The following C4orf50 variants were observed in gnomAD, a reference collection of about 807,000 sequenced individuals.
C4orf50 encodes the protein chromosome 4 open reading frame 50.
A neutral mutation model predicts 77.2 loss-of-function variants in C4orf50; 80 were observed. That is an observed-to-expected ratio of 1.04 (90% CI 0.87 to 1.25). The LOEUF (loss-of-function observed/expected upper bound fraction) is 1.25, where lower values mean the gene tolerates loss of function less well. Among genes scored for constraint, C4orf50 ranks in the 50% most tolerant of loss-of-function variants. The pLI, the probability that C4orf50 is intolerant of heterozygous loss-of-function variation, is 0.00. For synonymous variants in C4orf50, 532 were observed against 465.3 expected (o/e 1.14, Z -1.84); for missense variants, 1,257 against 1,152.9 (o/e 1.09, Z -1.31).
chr4:5,989,686 C>T (rs1386365032), exon 28 of C4orf50: 3 of 1,536,142 alleles, frequency 2.0e-6, no homozygotes, highest in African/African-American at 1.4e-5. Flanking sequence ...CTGTGGATGA[C>T]CATGATCAGT....
intron 29 of C4orf50, among the ~76,000 whole-genome samples, chr4:5,976,585 T>C (rs1300875734): frequency 1.3e-5 from 2 of 152,032 alleles, no homozygotes; most frequent in Non-Finnish European, 2.9e-5. Flanking sequence ...AACATACAAG[T>C]TCCTGAGCCA....
chr4:5,907,579 C>T (rs114550779), intron 7 of C4orf50, among the ~76,000 whole-genome samples: 52 of 152,172 alleles, frequency 3.4e-4, no homozygotes, highest in African/African-American at 1.1e-3. Flanking sequence ...AGACTAGACA[C>T]AAATGAAGGC....
chr4:5,967,334 T>G, intron 32 of C4orf50, 80 bp downstream of exon 10: 2 of 1,124,520 alleles, frequency 1.8e-6, no homozygotes, highest in South Asian at 2.5e-5. Context: ...ATCTCCCCTC[T>G]GGCCCACCTC....
chr4:5,911,154 C>T (rs1716788581), intron 7 of C4orf50, among the ~76,000 whole-genome samples: 1 of 152,150 alleles, frequency 6.6e-6, no homozygotes, highest in Admixed American at 6.5e-5. Context: ...CATGATCCAC[C>T]TGCCTCGGCC....
chr4:5,930,907 C>A (rs1478366119), intron 7 of C4orf50, among the ~76,000 whole-genome samples: 3 of 152,098 alleles, frequency 2.0e-5, no homozygotes, highest in African/African-American at 7.2e-5. Context: ...TGCTGGGAAG[C>A]GGAGAGGCAA....
downstream of C4orf50, among the ~76,000 whole-genome samples, chr4:5,952,822 C>T (rs1718787173): frequency 6.6e-6 from 1 of 152,072 alleles, no homozygotes; most frequent in African/African-American, 2.4e-5. This position sits in a 1 kb window ranked among gnomAD's most constrained non-coding sequence, Gnocchi z 4.4. Context: ...GTTCCCGACA[C>T]CGACACTCCC....
At chr4:6,001,140 T>G (rs1479147517) in intron 25 of C4orf50, among the ~76,000 whole-genome samples, 2 of 152,188 alleles carry the variant, frequency 1.3e-5, no homozygotes, top group African/African-American at 4.8e-5. Flanking sequence ...AATCAGTGAT[T>G]ACCCAATGAC....
At chr4:6,010,222 C>T (rs993471628) in intron 24 of C4orf50, among the ~76,000 whole-genome samples, 5 of 152,172 alleles carry the variant, frequency 3.3e-5, no homozygotes, top group African/African-American at 1.2e-4. Context: ...CAACGCCGCT[C>T]TACCTATGAT....
At chr4:5,959,620 G>A (rs1339490264) in exon 34 of C4orf50, 2 of 1,612,196 alleles carry the variant, frequency 1.2e-6, no homozygotes, top group Admixed American at 3.3e-5. Context: ...ACCAAGGACA[G>A]AGGGAGCTGC....
chr4:5,944,330 G>A (rs2108752703), intron 7 of C4orf50, among the ~76,000 whole-genome samples: 2 of 152,248 alleles, frequency 1.3e-5, no homozygotes, highest in Admixed American at 1.3e-4. Context: ...GGAATGACTT[G>A]TTTATACGGC....
chr4:5,911,868 A>C (rs185017347), intron 7 of C4orf50, among the ~76,000 whole-genome samples: 1 of 152,334 alleles, frequency 6.6e-6, no homozygotes, highest in Admixed American at 6.5e-5. Flanking sequence ...CAACATGGTG[A>C]AACCCCGTCT....
rs1300577536 is a variant in C4orf50, at chr4:5,908,869, C to A, written c.*2475-10681G>T. Among the ~76,000 whole-genome samples, 1 of 152,154 alleles carries A rather than the reference C, an allele frequency of 6.6e-6. No homozygotes were observed. Among genetic ancestry groups the A allele is most frequent in the African/African-American group, 2.4e-5 (1 of 41,444 alleles). On this transcript the variant is annotated intron_variant, in intron 7 of 7. Coordinates refer to the C4orf50 transcript ENST00000324058. The surrounding 1 kb of genome is among the most constrained non-coding windows in gnomAD (Gnocchi z 5.6). Reference sequence around the variant, plus strand: ...ATCAAAGAAGAACCAGCCTGACCTACTTCAAAGATTTAAAATGCCTGGAAA... The same window carrying A: ...ATCAAAGAAGAACCAGCCTGACCTAATTCAAAGATTTAAAATGCCTGGAAA...
chr4:6,012,571 G>A (rs1471211881), intron 23 of C4orf50, among the ~76,000 whole-genome samples: 2 of 152,206 alleles, frequency 1.3e-5, no homozygotes, highest in African/African-American at 4.8e-5. Context: ...TAGTCTTCCA[G>A]ATGAGAAGCT....
rs1249214632 is a variant in C4orf50, at chr4:6,017,098, A to G, written c.287+1047T>C. On this transcript the variant is annotated intron_variant, in intron 23 of 33. Coordinates refer to ENST00000531445, the Ensembl canonical transcript of C4orf50. This position sits in a 1 kb window ranked among gnomAD's most constrained non-coding sequence, Gnocchi z 4.7. ...AGAAAGACCTGGATTCAAACGCCCCACCTTGAGGCCAGGTCAGCTCCATCA... is the reference window on the plus strand; with the variant it reads ...AGAAAGACCTGGATTCAAACGCCCCGCCTTGAGGCCAGGTCAGCTCCATCA... Among the ~76,000 whole-genome samples, 1 of 152,244 alleles carries G rather than the reference A, an allele frequency of 6.6e-6. No individual in the cohort carries two copies. The highest frequency in any genetic ancestry group is 2.4e-5 in the African/African-American group (1 of 41,468).
rs182986758 is a variant in C4orf50 at position 5,983,834 on chromosome 4, A to G, written c.3700-3496T>C. ...TTTGTGGGACAAAGTAACAGGGAAGAGATAGCTGCAGAGAATGAAAGTCCA... is the reference window on the plus strand; with the variant it reads ...TTTGTGGGACAAAGTAACAGGGAAGGGATAGCTGCAGAGAATGAAAGTCCA... On this transcript the variant is annotated intron_variant, in intron 28 of 33. Transcript: ENST00000531445. 2.7e-3 allele frequency among the ~76,000 whole-genome samples: 413 copies of G among 152,314 alleles called. 1 individual carries two copies. In the Middle Eastern group the frequency reaches 0.061, roughly 23 times the overall value.
chr4:5,988,267 G>A (rs889438972), intron 28 of C4orf50, 80 bp downstream of exon 6: 12 of 1,536,708 alleles, frequency 7.8e-6, no homozygotes, highest in Middle Eastern at 3.5e-4. Flanking sequence ...CAGGACTCTG[G>A]TGAATTGCAT....
chr4:5,976,215 G>A (rs1720271495), intron 29 of C4orf50, among the ~76,000 whole-genome samples: 1 of 152,040 alleles, frequency 6.6e-6, no homozygotes, highest in Non-Finnish European at 1.5e-5. Flanking sequence ...GGAGGCCGAG[G>A]TGGGCGGATC....
chr4:5,989,816 C>G (rs1180966126), exon 28 of C4orf50: 1 of 1,496,404 alleles, frequency 6.7e-7, no homozygotes, highest in Non-Finnish European at 8.9e-7. Flanking sequence ...TCGGGGGCAC[C>G]CCTGCACCCC....
At chr4:5,984,022 C>A (rs1205846471) in intron 28 of C4orf50, among the ~76,000 whole-genome samples, 1 of 152,174 alleles carries the variant, frequency 6.6e-6, no homozygotes, top group Non-Finnish European at 1.5e-5. Flanking sequence ...TCTGGCAAAG[C>A]CAAAATGGAG....
Sources: allele counts gnomAD v4.1 joint callset (sites outside exome capture counted in the v4.1 genomes callset), GRCh38; gene constraint gnomAD v4.1.1; non-coding constraint Gnocchi (gnomAD v3.1); transcripts MANE v1.5; gene names NCBI Gene and HGNC (gene_info 2026-07-23, HGNC 2026-07-21).